ADAMTSL3: variants seen among roughly 807,000 people sequenced by gnomAD.
The protein encoded by ADAMTSL3 is ADAMTS-like protein 3.
A neutral mutation model predicts 201.7 loss-of-function variants in ADAMTSL3; 128 were observed. That is an observed-to-expected ratio of 0.63 (90% CI 0.55 to 0.73). ADAMTSL3 has a LOEUF of 0.73. Among genes scored for constraint, ADAMTSL3 ranks in the 30% least tolerant of loss-of-function variants. The probability of loss-of-function intolerance (pLI) is 0.00; values close to 1 mark genes in which losing one functional copy is unlikely to be tolerated. For synonymous variants in ADAMTSL3, 738 were observed against 748.4 expected, an observed-to-expected ratio of 0.99 and a Z score of 0.23; for missense variants, 1,990 against 2,119.6, an observed-to-expected ratio of 0.94 and a Z score of 1.20.
chr15:83,987,451 T>C (rs747179490), intron 21 of ADAMTSL3, among the ~76,000 whole-genome samples: 8 of 152,214 alleles, frequency 5.3e-5, no homozygotes, highest in Non-Finnish European at 1.2e-4. Context: ...TAAGATTTGG[T>C]TCCTGCCCTT....
In ADAMTSL3 at chr15:83,753,796, A is replaced by T. The variant is rs547376686; in HGVS notation, c.190-19727A>T. 4.6e-5 allele frequency among the ~76,000 whole-genome samples: 7 copies of T among 152,322 alleles called. No homozygotes were observed. In the South Asian group the frequency reaches 1.4e-3, roughly 32 times the overall value. ...TTGTAAATGGAGAGCAAGAAAATAT[A>T]TAAAGTGATCTATAGGAACCTGCTT... On this transcript the variant is annotated intron_variant, in intron 3 of 29. Transcript: ENST00000286744.
chr15:83,748,649 C>CAAAAAAAAAAAAAAAAAAAAAAAAAAAAA (rs71156097), intron 3 of ADAMTSL3, among the ~76,000 whole-genome samples: 1 of 70,516 alleles, frequency 1.4e-5, no homozygotes, highest in African/African-American at 5.9e-5. Flanking sequence ...GACCCTGTCT[C>CAAAAAAAAAAAAAAAAAAAAAAAAAAAAA]AAAAAAAAAA....
At chr15:83,839,329 G>A (rs1015687650) in intron 7 of ADAMTSL3, among the ~76,000 whole-genome samples, 1 of 152,190 alleles carries the variant, frequency 6.6e-6, no homozygotes, top group Admixed American at 6.5e-5. Context: ...GCGTGACACT[G>A]GAGAAGAGTC....
At chr15:83,695,544 G>A (rs895583300) in intron 2 of ADAMTSL3, among the ~76,000 whole-genome samples, 2 of 152,092 alleles carry the variant, frequency 1.3e-5, no homozygotes, top group African/African-American at 4.8e-5. Context: ...GTGACCCAGA[G>A]TGAAGCTGAA....
At chr15:83,983,826 A>G (rs1262180916) in intron 21 of ADAMTSL3, among the ~76,000 whole-genome samples, 1 of 152,170 alleles carries the variant, frequency 6.6e-6, no homozygotes, top group Non-Finnish European at 1.5e-5. Context: ...ATTGAGAAGC[A>G]GAATCCCATG....
At chr15:83,905,395 A>T (rs928597130) in intron 15 of ADAMTSL3, among the ~76,000 whole-genome samples, 1 of 152,180 alleles carries the variant, frequency 6.6e-6, no homozygotes, top group Admixed American at 6.5e-5. Context: ...TTTGGAATAG[A>T]GGCTTGTGTG....
At chr15:83,969,004 G>T (rs971486253) in intron 19 of ADAMTSL3, among the ~76,000 whole-genome samples, 4 of 152,100 alleles carry the variant, frequency 2.6e-5, no homozygotes, top group Non-Finnish European at 5.9e-5. Context: ...GGCCTGTCAG[G>T]GGGTGGGGGG....
At chr15:83,986,792 G>A (rs2067485323) in intron 21 of ADAMTSL3, among the ~76,000 whole-genome samples, 2 of 152,196 alleles carry the variant, frequency 1.3e-5, no homozygotes, top group African/African-American at 4.8e-5. Context: ...AGGAAGAGAA[G>A]TTTGTGGGTG....
chr15:83,730,243 G>A (rs1441084568), intron 3 of ADAMTSL3, among the ~76,000 whole-genome samples: 2 of 152,070 alleles, frequency 1.3e-5, no homozygotes, highest in African/African-American at 4.8e-5. Context: ...AAGAAACATG[G>A]AACATTATAG....
rs181763623 is a variant in ADAMTSL3 at position 83,862,848 on chromosome 15, T to C, written c.802+4008T>C. On this transcript the variant is annotated intron_variant, in intron 8 of 29. Coordinates refer to ENST00000286744, the MANE Select transcript of ADAMTSL3 (RefSeq NM_207517.3). ...GCAAATTGGATAAAGAGTCAAGACCTATCAGTGTGCTGTATTCAGGAAACC... is the reference window on the plus strand; with the variant it reads ...GCAAATTGGATAAAGAGTCAAGACCCATCAGTGTGCTGTATTCAGGAAACC... The C allele has an allele frequency of 1.4e-4, 21 of 152,212 alleles. No individual in the cohort carries two copies. In the East Asian group the frequency reaches 3.7e-3, roughly 27 times the overall value. The allele number at this position is 152,212 out of a possible 1,614,324, so 9.4% of individuals were successfully genotyped here.
chr15:83,697,482 T>A (rs1180888148), intron 2 of ADAMTSL3, among the ~76,000 whole-genome samples: 1 of 152,192 alleles, frequency 6.6e-6, no homozygotes, highest in African/African-American at 2.4e-5. Flanking sequence ...GGTTATCACT[T>A]ATACTTCTGA....
chr15:83,876,691 G>T (rs1373134319), intron 9 of ADAMTSL3, among the ~76,000 whole-genome samples: 1 of 151,844 alleles, frequency 6.6e-6, no homozygotes, highest in East Asian at 1.9e-4. Flanking sequence ...GGGTTCGGTG[G>T]CACAATCATG....
chr15:84,018,121 G>A (rs752307534), intron 25 of ADAMTSL3, among the ~76,000 whole-genome samples: 14 of 152,212 alleles, frequency 9.2e-5, no homozygotes, highest in Non-Finnish European at 1.9e-4. Context: ...TATGTGTGAG[G>A]CTGAAGCTAT....
At chr15:83,928,666 C>T (rs1252366297) in intron 17 of ADAMTSL3, among the ~76,000 whole-genome samples, 1 of 152,112 alleles carries the variant, frequency 6.6e-6, no homozygotes, top group Non-Finnish European at 1.5e-5. Flanking sequence ...ATAATTTTTT[C>T]AGAAAAGAAA....
chr15:83,801,637 A>AATATATATATATAAATATAT (rs1212487067), intron 4 of ADAMTSL3, among the ~76,000 whole-genome samples: 1 of 53,344 alleles, frequency 1.9e-5, no homozygotes, highest in African/African-American at 7.4e-5. Context: ...TATATATATA[A>AATATATATATATAAATATAT]ATATATAAAT....
chr15:83,761,648 A>G, intron 3 of ADAMTSL3, among the ~76,000 whole-genome samples: 1 of 152,142 alleles, frequency 6.6e-6, no homozygotes, highest in South Asian at 2.1e-4. Context: ...TCTCTTTTTA[A>G]TCTTACCTGA....
At chr15:83,970,663 C>G in intron 20 of ADAMTSL3, 26 bp downstream of exon 20, 1 of 1,611,310 alleles carries the variant, frequency 6.2e-7, no homozygotes. Flanking sequence ...CCGCGCTTCA[C>G]CAAGATATGC....
chr15:83,897,859 G>C lies in ADAMTSL3; in HGVS notation c.1469G>C (p.Cys490Ser). 6.3e-7 allele frequency: 1 copy of C among 1,596,546 alleles called. No individual in the cohort carries two copies. Among genetic ancestry groups the C allele is most frequent in the Non-Finnish European group, 8.5e-7 (1 of 1,169,682 alleles). The change falls in exon 14 of 30, where the codon TGC becomes TCC. Residue 490 changes from cysteine (C) to serine (S), a missense_variant and splice_region_variant. Physicochemically the swap from Cys to Ser is moderately radical, Grantham distance 112 (BLOSUM62 -1). Coordinates refer to ENST00000286744, the MANE Select transcript of ADAMTSL3 (RefSeq NM_207517.3). ...PKWIAMEWSQ[C>S]TVTCGRGLRY... is the part of the protein sequence containing the mutation. Reference sequence around the variant, plus strand: ...TGGCTTCTCTTTTCTTCTTTGAAGTGCACAGTGACTTGTGGCCGAGGGTTA... The same window carrying C: ...TGGCTTCTCTTTTCTTCTTTGAAGTCCACAGTGACTTGTGGCCGAGGGTTA...
intron 8 of ADAMTSL3, among the ~76,000 whole-genome samples, chr15:83,860,447 A>G (rs2064830872): frequency 6.6e-6 from 1 of 152,140 alleles, no homozygotes; most frequent in African/African-American, 2.4e-5. Flanking sequence ...GATTATTGTG[A>G]TGATTTCACT....
Sources: allele counts gnomAD v4.1 joint callset (sites outside exome capture counted in the v4.1 genomes callset), GRCh38; gene constraint gnomAD v4.1.1; transcripts MANE v1.5; gene names NCBI Gene and HGNC (gene_info 2026-07-23, HGNC 2026-07-21).